ANKRD35: variants seen among roughly 807,000 people sequenced by gnomAD.
The protein encoded by ANKRD35 is ankyrin repeat domain-containing protein 35.
ANKRD35 carries 102 observed loss-of-function variants against 109.9 expected under a neutral mutation model. That is an observed-to-expected ratio of 0.93 (90% confidence interval 0.79 to 1.09). ANKRD35 has a LOEUF of 1.09. Ranked by LOEUF, ANKRD35 falls within the 50% of genes least tolerant of loss-of-function variation. ANKRD35 has a pLI of 0.00. For missense variants in ANKRD35, 1,240 were observed against 1,230.1 expected, an observed-to-expected ratio of 1.01 and a Z score of -0.12; for synonymous variants, 515 against 512.4, an observed-to-expected ratio of 1.01 and a Z score of -0.07.
intron 2 of ANKRD35, among the ~76,000 whole-genome samples, chr1:145,878,767 C>A (rs1230577440): frequency 2.6e-5 from 4 of 152,186 alleles, no homozygotes; most frequent in Admixed American, 1.3e-4. Context: ...GAGCACAGAA[C>A]CTTAGCGGAA....
chr1:145,874,115 G>A (rs1653969050), intron 9 of ANKRD35, 40 bp downstream of exon 9: 3 of 1,613,280 alleles, frequency 1.9e-6, no homozygotes, highest in Non-Finnish European at 2.5e-6. Flanking sequence ...ATAGCCTGGG[G>A]TGTGTCAAAA....
At chr1:145,877,014 C>T (rs1391563548) in intron 4 of ANKRD35, 141 bp from the exon 5 acceptor site, 5 of 756,732 alleles carry the variant, frequency 6.6e-6, no homozygotes, top group South Asian at 3.4e-5. Flanking sequence ...ACTAGGCAAG[C>T]CCAGTTCATC....
chr1:145,877,261 C>G (rs1325109934), intron 4 of ANKRD35, among the ~76,000 whole-genome samples: 1 of 144,982 alleles, frequency 6.9e-6, no homozygotes, highest in Non-Finnish European at 1.5e-5. Context: ...GAGACAGAGT[C>G]TCTCTCTGTT....
At chr1:145,879,882 C>CCGAA (rs1654224418) in intron 1 of ANKRD35, among the ~76,000 whole-genome samples, 1 of 151,782 alleles carries the variant, frequency 6.6e-6, no homozygotes. Context: ...CATTAAGGCA[C>CCGAA]CGAGCTTCAG....
At chr1:145,868,107 G>A in intron 11 of ANKRD35, 51 bp from the exon 12 acceptor site, 4 of 1,583,446 alleles carry the variant, frequency 2.5e-6, no homozygotes, top group Non-Finnish European at 3.5e-6. Flanking sequence ...AGTCACCCAA[G>A]CATGAGGAGC....
In ANKRD35 at chr1:145,874,827, C is replaced by G. The variant is rs1361434088; in HGVS notation, c.740G>C (p.Arg247Pro). 2.5e-6 allele frequency: 4 copies of G among 1,584,454 alleles called. No homozygotes were observed. Among genetic ancestry groups the G allele is most frequent in the Admixed American group, 3.7e-5 (2 of 54,164 alleles). ...AGTTACACAAGGGCCTTTACCGCCC[C>G]GCCGCCGCCGGCTCAGGGCCTGCTG... The part of the protein sequence containing the change: ...HLQQALSRRR[R>P]GGQRLVQHPD... The change falls in exon 8 of 14, where the codon CGG becomes CCG. Residue 247 changes from arginine to proline, a missense_variant. Coordinates refer to ENST00000355594, the MANE Select transcript of ANKRD35 (RefSeq NM_144698.5).
intron 12 of ANKRD35, 47 bp from the exon 13 acceptor site, chr1:145,867,439 GGA>G: frequency 2.3e-5 from 35 of 1,553,276 alleles, no homozygotes; most frequent in Non-Finnish European, 2.7e-5. Context: ...AACAGAAAAT[GGA>G]GAGAGAGAGG....
intron 10 of ANKRD35, among the ~76,000 whole-genome samples, 199 bp downstream of exon 10, chr1:145,871,783 C>T (rs926691116): frequency 1.3e-5 from 2 of 152,142 alleles, no homozygotes; most frequent in African/African-American, 4.8e-5. Context: ...TCCACTTATA[C>T]CTTACCTCAC....
At position 145,874,204 on chromosome 1, in the gene ANKRD35, G is replaced by T. The variant is rs1479268010; in HGVS notation, c.746-12C>A. 1 of 1,613,794 alleles carries T rather than the reference G, an allele frequency of 6.2e-7. No homozygotes were observed. Among genetic ancestry groups the T allele is most frequent in the East Asian group, 2.2e-5 (1 of 44,882 alleles). On this transcript the variant is annotated splice_polypyrimidine_tract_variant and intron_variant, in intron 8 of 13. Transcript: ENST00000355594. ...GACTAGCCTCTGACCTATAAGAAAAGATATGAGGAAAATGAGAGAGAAGAC... is the reference window on the plus strand; with the variant it reads ...GACTAGCCTCTGACCTATAAGAAAATATATGAGGAAAATGAGAGAGAAGAC...
Position 145,872,525 on chromosome 1 carries a change from A to T in ANKRD35, c.2244T>A (p.Ala748=), listed in dbSNP as rs782219195. ...DRHREAQQVL[A]RLQEENQQLR... is the part of the protein sequence containing the mutation. ...ACTGCTGGTTTTCTTCTTGCAGCCG[A>T]GCCAGCACCTGCTGGGCCTCCCGGT... The change falls in exon 10 of 14, where the codon GCT becomes GCA. Residue 748 remains alanine (A), a synonymous_variant. Coordinates refer to ENST00000355594, the MANE Select transcript of ANKRD35 (RefSeq NM_144698.5). The T allele has an allele frequency of 1.0e-5, 16 of 1,605,286 alleles. No homozygotes were observed. The highest frequency in any genetic ancestry group is 1.4e-5 in the Non-Finnish European group (16 of 1,176,012).
At chr1:145,878,143 C>T (rs782464988) in intron 3 of ANKRD35, 111 bp from the exon 4 acceptor site, 2 of 1,122,270 alleles carry the variant, frequency 1.8e-6, no homozygotes, top group Non-Finnish European at 2.7e-6. Flanking sequence ...GGGAGAGAAG[C>T]TTTCAGCCAC....
chr1:145,868,001 T>A lies in ANKRD35; in HGVS notation c.2933A>T (p.Asn978Ile). 6.2e-7 allele frequency: 1 copy of A among 1,614,154 alleles called. No homozygotes were observed. Among genetic ancestry groups the A allele is most frequent in the Non-Finnish European group, 8.5e-7 (1 of 1,180,006 alleles). The change falls in exon 12 of 14, where the codon AAT becomes ATT. Residue 978 changes from asparagine to isoleucine, a missense_variant. Coordinates refer to ENST00000355594, the MANE Select transcript of ANKRD35 (RefSeq NM_144698.5). ...CTCCACCATGCTCACCCGAGCAGCATTCAGTAGATGATTCCTGTAGGTGGA... is the reference window on the plus strand; with the variant it reads ...CTCCACCATGCTCACCCGAGCAGCAATCAGTAGATGATTCCTGTAGGTGGA... Reference protein sequence around the residue: ...IISTYRNHLLNAARGYMEHEV... With the variant: ...IISTYRNHLLIAARGYMEHEV...
At position 145,876,891 on chromosome 1, in the gene ANKRD35, G is replaced by A; in HGVS notation, c.325-18C>T. 6.2e-7 allele frequency: 1 copy of A among 1,613,954 alleles called. No homozygotes were observed. The highest frequency in any genetic ancestry group is 8.5e-7 in the Non-Finnish European group (1 of 1,179,980). On this transcript the variant is annotated intron_variant, in intron 4 of 13. Coordinates refer to ENST00000355594, the MANE Select transcript of ANKRD35 (RefSeq NM_144698.5). ...GCACCATGCTGCAAATGGCCACAAA[G>A]GGAAGCAGCATGGAGCTTGGTGTTA...
intron 1 of ANKRD35, among the ~76,000 whole-genome samples, chr1:145,885,265 C>G (rs1173185147): frequency 1.3e-5 from 2 of 151,970 alleles, no homozygotes; most frequent in Admixed American, 6.6e-5. Flanking sequence ...GATAGAGCTA[C>G]GTGGAAGGCA....
chr1:145,867,337 T>C lies in ANKRD35; in HGVS notation c.2999A>G (p.Glu1000Gly). 1.2e-6 allele frequency: 2 copies of C among 1,613,954 alleles called. No individual in the cohort carries two copies. Among genetic ancestry groups the C allele is most frequent in the Non-Finnish European group, 1.7e-6 (2 of 1,179,910 alleles). Residue 1000 changes from glutamate to glycine, a missense_variant, in exon 13 of 14, where the codon GAG (glutamate) becomes GGG (glycine). Coordinates refer to ENST00000355594, the MANE Select transcript of ANKRD35 (RefSeq NM_144698.5). The stretch of plus-strand genomic sequence containing the variant: ...GCACACAGTGAGGCTGCCTCACTCC[T>C]CTTCCATGCTAAGGATTTGCAGCAG... ...NILLQILSME[E>G]E is the part of the protein sequence containing the mutation.
rs142514686 is a variant in ANKRD35 at position 145,872,553 on chromosome 1, C to G, written c.2216G>C (p.Arg739Pro). 3.2e-5 allele frequency: 51 copies of G among 1,609,434 alleles called. No individual in the cohort carries two copies. The African/African-American group carries it at 5.7e-4, about 18-fold the overall frequency. The change falls in exon 10 of 14, where the codon CGG becomes CCG. Residue 739 changes from arginine (R) to proline (P), a missense_variant. Physicochemically the swap from Arg to Pro is moderately radical, Grantham distance 103. Coordinates refer to ENST00000355594, the MANE Select transcript of ANKRD35 (RefSeq NM_144698.5). ...CAGCACCTGCTGGGCCTCCCGGTGC[C>G]GATCCACCAGGGTGCTGATGCAGGC... is the stretch of plus-strand genomic sequence containing the variant. Reference protein sequence around the residue: ...LRACISTLVDRHREAQQVLAR... With the variant: ...LRACISTLVDPHREAQQVLAR...
In ANKRD35 at chr1:145,869,765, C is replaced by T. The variant is rs73006890; in HGVS notation, c.2788-1365G>A. ...ATTACAGGCATGAGCCACTGTGCTCCGCCTGAGGGAAGTATTATAATCTAC... is the reference window on the plus strand; with the variant it reads ...ATTACAGGCATGAGCCACTGTGCTCTGCCTGAGGGAAGTATTATAATCTAC... On this transcript the variant is annotated intron_variant, in intron 10 of 13. Transcript: ENST00000355594. Among the ~76,000 whole-genome samples, 869 of 152,030 alleles carry T rather than the reference C, an allele frequency of 5.7e-3. 6 individuals carry two copies. The highest frequency in any genetic ancestry group is 0.026 in the East Asian group (134 of 5,166).
intron 1 of ANKRD35, among the ~76,000 whole-genome samples, chr1:145,881,200 G>C (rs1654272399): frequency 6.6e-6 from 1 of 152,156 alleles, no homozygotes; most frequent in African/African-American, 2.4e-5. Context: ...CAGGAGAATT[G>C]CTTGAACCTG....
chr1:145,879,433 G>A (rs200622498), intron 1 of ANKRD35, 45 bp from the exon 2 acceptor site: 791 of 1,394,502 alleles, frequency 5.7e-4, no homozygotes, highest in Non-Finnish European at 7.0e-4. Flanking sequence ...CATGAGGGTA[G>A]TGTGGAGAAA....
Sources: gnomAD v4.1 joint callset for allele counts (sites outside exome capture counted in the v4.1 genomes callset) on GRCh38, gnomAD v4.1.1 for gene constraint, MANE v1.5 for transcripts, NCBI Gene and HGNC (gene_info 2026-07-23, HGNC 2026-07-21) for gene names.